The following ZNF33A variants were observed in gnomAD, a reference collection of about 807,000 sequenced individuals.
ZNF33A encodes zinc finger protein 33A.
In ZNF33A, 9 loss-of-function variants were observed where a neutral mutation model predicts 15.9. The observed-to-expected ratio is 0.57, with a 90% CI of 0.34 to 0.99. The LOEUF is 0.99. Among genes scored for constraint, ZNF33A ranks in the 50% least tolerant of loss-of-function variants. The probability of loss-of-function intolerance (pLI) is 0.02; values close to 1 mark genes in which losing one functional copy is unlikely to be tolerated. For missense variants in ZNF33A, 843 were observed against 941.6 expected, an observed-to-expected ratio of 0.90 and a Z score of 1.37; for synonymous variants, 294 against 324.2, an observed-to-expected ratio of 0.91 and a Z score of 1.00.
At chr10:38,021,975 G>A (rs751145182) in intron 4 of ZNF33A, among the ~76,000 whole-genome samples, 6 of 152,128 alleles carry the variant, frequency 3.9e-5, no homozygotes, top group Non-Finnish European at 8.8e-5. Context: ...CAATATATGT[G>A]GGAGGTAGCT....
chr10:38,060,297 T>C (rs1175546666), downstream of ZNF33A, among the ~76,000 whole-genome samples: 2 of 152,074 alleles, frequency 1.3e-5, no homozygotes, highest in Non-Finnish European at 2.9e-5. Flanking sequence ...CTTCCACAGG[T>C]GAGGTAACTT....
chr10:38,031,873 G>C (rs776829534), intron 4 of ZNF33A, among the ~76,000 whole-genome samples: 1 of 152,164 alleles, frequency 6.6e-6, no homozygotes, highest in South Asian at 2.1e-4. Flanking sequence ...TGAGGCAGGA[G>C]AATTGCTTGA....
intron 4 of ZNF33A, among the ~76,000 whole-genome samples, chr10:38,025,021 T>C (rs2135588173): frequency 2.0e-5 from 3 of 152,356 alleles, no homozygotes; most frequent in Admixed American, 2.0e-4. Context: ...TTATAACTTT[T>C]CTATTTTATG....
intron 4 of ZNF33A, chr10:38,039,586 A>G (rs777400776): frequency 5.5e-5 from 25 of 450,638 alleles, no homozygotes; most frequent in Non-Finnish European, 1.0e-4. Flanking sequence ...GTCTTTTCAG[A>G]TTTTTCTTTT....
chr10:38,034,178 C>T lies in ZNF33A; in HGVS notation c.250+16792C>T, dbSNP rs2065339235. On this transcript the variant is annotated intron_variant, in intron 4 of 4. Coordinates refer to ENST00000432900, the MANE Select transcript of ZNF33A (RefSeq NM_006954.2). ...TTAACATATTAAGATGGTATGTTTG[C>T]AACAGCTGTTGAACCAACATTGGTA... Among the ~76,000 whole-genome samples, 4 of 152,320 alleles carry T rather than the reference C, an allele frequency of 2.6e-5. No homozygotes were observed. The South Asian group carries it at 8.3e-4, about 32-fold the overall frequency.
intron 4 of ZNF33A, among the ~76,000 whole-genome samples, chr10:38,038,924 A>G (rs2065570527): frequency 6.6e-6 from 1 of 152,202 alleles, no homozygotes; most frequent in South Asian, 2.1e-4. Flanking sequence ...ACTAGGATAA[A>G]TCACACTTGA....
intron 2 of ZNF33A, among the ~76,000 whole-genome samples, chr10:38,015,427 T>TGGTGTCTCAGCG (rs1024481054): frequency 6.6e-6 from 1 of 152,156 alleles, no homozygotes; most frequent in Non-Finnish European, 1.5e-5. Flanking sequence ...TGTCTCAGCC[T>TGGTGTCTCAGCG]GGTGTCTCAG....
chr10:38,013,627 T>A (rs2064303553), intron 2 of ZNF33A, among the ~76,000 whole-genome samples: 1 of 151,726 alleles, frequency 6.6e-6, no homozygotes, highest in Admixed American at 6.6e-5. Flanking sequence ...CCCAGCTAAT[T>A]TTTGTATTTT....
downstream of ZNF33A, among the ~76,000 whole-genome samples, chr10:38,061,507 C>T (rs1392298023): frequency 2.0e-5 from 3 of 152,168 alleles, no homozygotes; most frequent in Non-Finnish European, 4.4e-5. Context: ...TGCTTGCCAA[C>T]ATGCCACAGG....
chr10:38,031,799 C>G (rs186332223), intron 4 of ZNF33A, among the ~76,000 whole-genome samples: 1 of 151,746 alleles, frequency 6.6e-6, no homozygotes, highest in African/African-American at 2.4e-5. Flanking sequence ...CCCATCTCTA[C>G]TAAAATACAA....
intron 2 of ZNF33A, among the ~76,000 whole-genome samples, chr10:38,015,811 C>T (rs987089338): frequency 6.6e-6 from 1 of 152,104 alleles, no homozygotes; most frequent in Non-Finnish European, 1.5e-5. Flanking sequence ...TCCTATTATC[C>T]GTGCCCTATT....
At chr10:38,060,899 A>G (rs1230719955), downstream of ZNF33A, among the ~76,000 whole-genome samples, 1 of 152,146 alleles carries the variant, frequency 6.6e-6, no homozygotes, top group African/African-American at 2.4e-5. Flanking sequence ...GCTGTTGTGC[A>G]CAGGACAAGA....
Position 38,058,782 on chromosome 10 carries a change from A to G in ZNF33A, c.*2222A>G, listed in dbSNP as rs963919438. 6.6e-6 allele frequency: 1 copy of G among 152,126 alleles called. No individual in the cohort carries two copies. The highest frequency in any genetic ancestry group is 2.4e-5 in the African/African-American group (1 of 41,414). The allele number at this position is 152,126 out of a possible 1,614,324, so 9.4% of individuals were successfully genotyped here. ...TGAGACTGCATCTCAAAAAATAATA[A>G]TGAAACTTTCCAAAACAAAGTGCCA... is the stretch of plus-strand genomic sequence containing the variant. On this transcript the variant is annotated 3_prime_UTR_variant, in exon 5 of 5. Transcript: ENST00000432900.
chr10:38,039,671 A>G, intron 4 of ZNF33A: 1 of 438,058 alleles, frequency 2.3e-6, no homozygotes, highest in African/African-American at 2.1e-5. Context: ...ATTTGTTGGC[A>G]TACATTGTTC....
At chr10:38,032,790 C>T (rs1193876173) in intron 4 of ZNF33A, among the ~76,000 whole-genome samples, 1 of 151,930 alleles carries the variant, frequency 6.6e-6, no homozygotes, top group Non-Finnish European at 1.5e-5. Flanking sequence ...CTCTGTCGCT[C>T]AGGCTGGAGT....
downstream of ZNF33A, among the ~76,000 whole-genome samples, chr10:38,062,773 G>T (rs1412235161): frequency 6.6e-6 from 1 of 151,736 alleles, no homozygotes; most frequent in Admixed American, 6.6e-5. Context: ...GGAGGCCGAG[G>T]TGGGCGGATC....
chr10:38,044,208 C>CTTTT (rs35770536), intron 4 of ZNF33A, among the ~76,000 whole-genome samples: 4 of 136,022 alleles, frequency 2.9e-5, no homozygotes, highest in Non-Finnish European at 6.4e-5. Context: ...TCTTTTCTTT[C>CTTTT]TTTTTTTTTT....
intron 4 of ZNF33A, among the ~76,000 whole-genome samples, chr10:38,032,209 TACAC>T (rs1232012339): frequency 6.6e-6 from 1 of 152,120 alleles, no homozygotes; most frequent in African/African-American, 2.4e-5. Flanking sequence ...AAGTAAATGT[TACAC>T]AGAAGTGATT....
intron 4 of ZNF33A, among the ~76,000 whole-genome samples, chr10:38,021,026 T>C (rs1034450737): frequency 2.0e-5 from 3 of 152,202 alleles, no homozygotes; most frequent in Non-Finnish European, 4.4e-5. Context: ...TTAGTCTTCC[T>C]GCGGGGGGAG....
Sources: gnomAD v4.1 joint callset for allele counts (sites outside exome capture counted in the v4.1 genomes callset) on GRCh38, gnomAD v4.1.1 for gene constraint, MANE v1.5 for transcripts, NCBI Gene and HGNC (gene_info 2026-07-23, HGNC 2026-07-21) for gene names.